Variants in ANO1 observed in about 807,000 individuals in gnomAD.
The protein encoded by ANO1 is anoctamin-1.
Under a neutral mutation model 124.0 loss-of-function variants are expected in ANO1, and 59 were observed. That is an observed-to-expected ratio of 0.48 (90% CI 0.39 to 0.59). ANO1 has a LOEUF of 0.59. ANO1 is among the 20% of genes least tolerant of loss of function. The pLI is 0.00. For missense variants in ANO1, 1,059 were observed against 1,328.0 expected (o/e 0.80, Z 3.15); for synonymous variants, 529 against 532.0 (o/e 0.99, Z 0.08).
chr11:70,037,078 G>T (rs778355191), intron 1 of ANO1, among the ~76,000 whole-genome samples: 2 of 152,106 alleles, frequency 1.3e-5, no homozygotes, highest in Non-Finnish European at 1.5e-5. Flanking sequence ...CTCATCTGTC[G>T]GCCTTTAGTG....
chr11:70,073,126 C>A (rs1591075835), intron 1 of ANO1, among the ~76,000 whole-genome samples: 1 of 152,232 alleles, frequency 6.6e-6, no homozygotes, highest in African/African-American at 2.4e-5. Flanking sequence ...CTCTTTCAAG[C>A]CCCAGGAAGA....
intron 1 of ANO1, among the ~76,000 whole-genome samples, chr11:70,002,713 A>G (rs1554999531): frequency 6.6e-6 from 1 of 152,154 alleles, no homozygotes. Flanking sequence ...TAATTCAGTT[A>G]GAAGATATAG....
upstream of ANO1, among the ~76,000 whole-genome samples, chr11:69,984,972 G>T (rs575459556): frequency 6.6e-6 from 1 of 152,364 alleles, no homozygotes; most frequent in Admixed American, 6.5e-5. Flanking sequence ...GGGGTGTGAG[G>T]TTTGTGGGTA....
chr11:70,010,179 G>GTGTGTGTGTATATATA, intron 1 of ANO1, among the ~76,000 whole-genome samples: 14 of 83,766 alleles, frequency 1.7e-4, no homozygotes, highest in Non-Finnish European at 2.2e-4. Context: ...GTGTGTGTGT[G>GTGTGTGTGTATATATA]TATATATATA....
chr11:70,014,290 C>T (rs1217923343), intron 1 of ANO1, among the ~76,000 whole-genome samples: 1 of 100,900 alleles, frequency 9.9e-6, no homozygotes, highest in African/African-American at 4.0e-5. Context: ...CCAAGGACAA[C>T]GTGCAGGAGC....
At chr11:70,092,159 G>A (rs570205269) in intron 2 of ANO1, among the ~76,000 whole-genome samples, 1 of 152,234 alleles carries the variant, frequency 6.6e-6, no homozygotes, top group African/African-American at 2.4e-5. Flanking sequence ...GTGGTCACTC[G>A]GCCCTCTCTG....
rs59053874 is a variant in ANO1, at chr11:70,014,001, C to CAGAGAG, written c.58+27849_58+27854dup. On this transcript the variant is annotated intron_variant, in intron 1 of 27. Transcript: ENST00000531349. The stretch of plus-strand genomic sequence containing the variant: ...ACTTGGCCTCTTCTCTGTGCACGGA[C>CAGAGAG]AGAGAGAGAGAGAGAGAGATCTCTG... 2.6e-4 allele frequency among the ~76,000 whole-genome samples: 36 copies of CAGAGAG among 140,790 alleles called. No individual in the cohort carries two copies. In the South Asian group the frequency reaches 6.5e-3, roughly 25 times the overall value. The allele number at this position is 140,790 out of a possible 152,430, so 92.4% of individuals were successfully genotyped here.
At chr11:70,054,621 A>G (rs1314332574) in intron 1 of ANO1, among the ~76,000 whole-genome samples, 1 of 152,268 alleles carries the variant, frequency 6.6e-6, no homozygotes, top group African/African-American at 2.4e-5. Context: ...CTATTTAGAC[A>G]TGTGGCATGT....
chr11:70,087,774 A>G lies in ANO1; in HGVS notation c.131A>G (p.Asp44Gly). The change falls in exon 2 of 26, where the codon GAC (aspartate) becomes GGC (glycine). Residue 44 changes from aspartate (D) to glycine (G), a missense_variant. Physicochemically the swap from Asp to Gly is moderately conservative, Grantham distance 94. Transcript: ENST00000355303. ...EGTLLNSLSVDPDAECKYGLY... is the reference protein window; with the variant it reads ...EGTLLNSLSVGPDAECKYGLY... ...TAGCTGCTGAACTCCTTATCTGTGGACCCTGATGCCGAGTGCAAGTATGGC... is the reference window on the plus strand; with the variant it reads ...TAGCTGCTGAACTCCTTATCTGTGGGCCCTGATGCCGAGTGCAAGTATGGC... 1 of 1,606,278 alleles carries G rather than the reference A, an allele frequency of 6.2e-7. No individual in the cohort carries two copies.
At chr11:70,034,379 G>A (rs974600857) in intron 1 of ANO1, among the ~76,000 whole-genome samples, 3 of 152,090 alleles carry the variant, frequency 2.0e-5, no homozygotes, top group African/African-American at 7.2e-5. Context: ...AGCAGCCCTG[G>A]GCACCTTGAG....
intron 11 of ANO1, among the ~76,000 whole-genome samples, chr11:70,148,398 G>A (rs767262665): frequency 3.3e-5 from 5 of 152,200 alleles, no homozygotes; most frequent in Non-Finnish European, 7.3e-5. Context: ...TTTTATGGAT[G>A]AGGAAACAGA....
the ANO1 span, among the ~76,000 whole-genome samples, chr11:69,977,069 G>C: frequency 6.6e-6 from 1 of 152,226 alleles, no homozygotes; most frequent in Non-Finnish European, 1.5e-5. Flanking sequence ...TTCTCTAAGC[G>C]TGAGGGAGCT....
chr11:70,178,216 G>A (rs771622429), intron 22 of ANO1, among the ~76,000 whole-genome samples: 1 of 152,216 alleles, frequency 6.6e-6, no homozygotes, highest in African/African-American at 2.4e-5. Context: ...ACCCAGCCAG[G>A]AGAAGCCGGG....
intron 1 of ANO1, among the ~76,000 whole-genome samples, chr11:69,995,746 C>T (rs1856257276): frequency 6.6e-6 from 1 of 152,194 alleles, no homozygotes; most frequent in African/African-American, 2.4e-5. Flanking sequence ...CTTATCACTG[C>T]TGGTATGGAC....
At chr11:70,046,050 A>C (rs912605239) in intron 1 of ANO1, among the ~76,000 whole-genome samples, 1 of 152,188 alleles carries the variant, frequency 6.6e-6, no homozygotes, top group East Asian at 1.9e-4. Context: ...GAGTCTGGCC[A>C]TGATTCAAGT....
intron 1 of ANO1, among the ~76,000 whole-genome samples, chr11:70,046,027 G>A (rs1555005601): frequency 6.6e-6 from 1 of 152,122 alleles, no homozygotes; most frequent in African/African-American, 2.4e-5. Context: ...CAGATCACTG[G>A]GACTCTGTCC....
At chr11:70,145,719 G>A (rs573276181) in intron 11 of ANO1, among the ~76,000 whole-genome samples, 31 of 151,954 alleles carry the variant, frequency 2.0e-4, no homozygotes, top group Non-Finnish European at 3.4e-4. Context: ...GGCAGATCAC[G>A]TGAGGCCAGG....
intron 25 of ANO1, 42 bp downstream of exon 25, chr11:70,185,737 C>T: frequency 1.3e-6 from 2 of 1,588,120 alleles, no homozygotes; most frequent in Non-Finnish European, 8.6e-7. Context: ...AAGATGGGAG[C>T]ATTTAGGGAC....
chr11:70,140,445 C>T (rs1409542099), intron 11 of ANO1, among the ~76,000 whole-genome samples: 1 of 151,752 alleles, frequency 6.6e-6, no homozygotes, highest in African/African-American at 2.4e-5. Context: ...GCAGGATAAT[C>T]GTTTGAACCC....
Sources: allele counts gnomAD v4.1 joint callset (sites outside exome capture counted in the v4.1 genomes callset), GRCh38; gene constraint gnomAD v4.1.1; transcripts MANE v1.5; gene names NCBI Gene and HGNC (gene_info 2026-07-23, HGNC 2026-07-21).